RGS7: variants seen among roughly 807,000 people sequenced by gnomAD.
RGS7 encodes the protein regulator of G protein signaling 7.
A neutral mutation model predicts 81.1 loss-of-function variants in RGS7; 27 were observed. That is an observed-to-expected ratio of 0.33 (90% CI 0.25 to 0.46). RGS7 has a LOEUF of 0.46. Among genes scored for constraint, RGS7 ranks in the 20% least tolerant of loss-of-function variants. The pLI is 1.00. For synonymous variants in RGS7, 208 were observed against 207.7 expected, an observed-to-expected ratio of 1.00 and a Z score of -0.01; for missense variants, 396 against 607.4, an observed-to-expected ratio of 0.65 and a Z score of 3.66.
At chr1:241,123,683 G>A (rs540609589) in intron 2 of RGS7, among the ~76,000 whole-genome samples, 14 of 152,296 alleles carry the variant, frequency 9.2e-5, no homozygotes, top group African/African-American at 2.4e-4. Context: ...CCCGGGAGGC[G>A]GAGGTGGTGG....
chr1:241,204,021 G>A (rs1244561965), intron 2 of RGS7, among the ~76,000 whole-genome samples: 1 of 152,174 alleles, frequency 6.6e-6, no homozygotes, highest in Non-Finnish European at 1.5e-5. Context: ...CCAACAATCT[G>A]AAGATATCAA....
chr1:240,907,298 C>T (rs557320148), intron 6 of RGS7, among the ~76,000 whole-genome samples: 22 of 151,910 alleles, frequency 1.4e-4, no homozygotes, highest in African/African-American at 5.1e-4. Flanking sequence ...TTTAAATATG[C>T]TAGTATAAAT....
At chr1:240,989,619 C>T (rs1419689419) in intron 3 of RGS7, among the ~76,000 whole-genome samples, 1 of 152,040 alleles carries the variant, frequency 6.6e-6, no homozygotes, top group Non-Finnish European at 1.5e-5. Flanking sequence ...TTCTCCCTAC[C>T]CTCAAGAAAG....
At chr1:241,318,528 C>A (rs1553318065) in intron 2 of RGS7, among the ~76,000 whole-genome samples, 1 of 151,918 alleles carries the variant, frequency 6.6e-6, no homozygotes, top group Non-Finnish European at 1.5e-5. Context: ...GCAATCTTGG[C>A]TCACCACAAC....
intron 2 of RGS7, among the ~76,000 whole-genome samples, chr1:241,123,678 G>A (rs994029678): frequency 6.6e-6 from 1 of 152,226 alleles, no homozygotes; most frequent in African/African-American, 2.4e-5. Flanking sequence ...TTGAACCCGG[G>A]AGGCGGAGGT....
At chr1:241,310,458 TGA>T (rs1379833123) in intron 2 of RGS7, among the ~76,000 whole-genome samples, 60 of 104,470 alleles carry the variant, frequency 5.7e-4, no homozygotes, top group Admixed American at 2.5e-3. Context: ...TGTGTGTGTG[TGA>T]GAGTGTGTGT....
intron 3 of RGS7, among the ~76,000 whole-genome samples, chr1:241,014,883 G>A (rs905407203): frequency 1.3e-5 from 2 of 152,088 alleles, no homozygotes; most frequent in African/African-American, 2.4e-5. Context: ...ACTGAGAGAC[G>A]AGACTCTTAC....
At chr1:241,102,321 C>T (rs2064812653) in intron 2 of RGS7, among the ~76,000 whole-genome samples, 1 of 152,092 alleles carries the variant, frequency 6.6e-6, no homozygotes, top group South Asian at 2.1e-4. Context: ...TGAAGGGACC[C>T]CCTCTTGGCT....
At chr1:240,957,114 A>G (rs1273240210) in intron 4 of RGS7, among the ~76,000 whole-genome samples, 1 of 152,138 alleles carries the variant, frequency 6.6e-6, no homozygotes, top group Non-Finnish European at 1.5e-5. Context: ...GCAGAGGCAG[A>G]CCACCCTCAA....
intron 3 of RGS7, among the ~76,000 whole-genome samples, chr1:241,057,008 C>T (rs528270168): frequency 5.9e-5 from 9 of 152,148 alleles, no homozygotes; most frequent in African/African-American, 1.9e-4. Flanking sequence ...CCAATATGTA[C>T]ACCGTTGATA....
chr1:241,033,081 T>G (rs1253291079), intron 3 of RGS7, among the ~76,000 whole-genome samples: 1 of 152,178 alleles, frequency 6.6e-6, no homozygotes, highest in East Asian at 1.9e-4. Flanking sequence ...GGGGGCTGGG[T>G]GCGGTAGCTC....
intron 2 of RGS7, among the ~76,000 whole-genome samples, chr1:241,214,221 C>T (rs770939649): frequency 1.5e-4 from 23 of 151,978 alleles, no homozygotes; most frequent in Admixed American, 7.9e-4. Context: ...CAAATTCTCT[C>T]GGTTTTTATT....
intron 3 of RGS7, among the ~76,000 whole-genome samples, chr1:241,008,702 C>T (rs2058801237): frequency 6.6e-6 from 1 of 151,978 alleles, no homozygotes; most frequent in African/African-American, 2.4e-5. Context: ...CACTTGAGGC[C>T]AGGAGGTCGA....
chr1:240,783,755 T>C (rs1253886238), intron 18 of RGS7, among the ~76,000 whole-genome samples: 2 of 152,114 alleles, frequency 1.3e-5, no homozygotes, highest in African/African-American at 4.8e-5. Context: ...CCTGAGAGCC[T>C]GGGGCATTAG....
chr1:240,979,867 G>C (rs554685097), intron 4 of RGS7, among the ~76,000 whole-genome samples: 1 of 152,304 alleles, frequency 6.6e-6, no homozygotes, highest in African/African-American at 2.4e-5. Context: ...TGTTCAAAGA[G>C]AGAATATTCA....
intron 9 of RGS7, among the ~76,000 whole-genome samples, chr1:240,847,998 T>A (rs1159470551): frequency 4.6e-5 from 7 of 152,222 alleles, no homozygotes; most frequent in African/African-American, 1.7e-4. Flanking sequence ...AAAATAGTTT[T>A]ATCAATCATT....
chr1:241,255,791 C>A (rs142358593), intron 2 of RGS7, among the ~76,000 whole-genome samples: 1 of 152,142 alleles, frequency 6.6e-6, no homozygotes, highest in East Asian at 1.9e-4. Context: ...TGGTTCCTAC[C>A]GCGATGTGCT....
chr1:240,994,013 C>G (rs1227676229), intron 3 of RGS7, among the ~76,000 whole-genome samples: 1 of 151,838 alleles, frequency 6.6e-6, no homozygotes, highest in Non-Finnish European at 1.5e-5. Flanking sequence ...TCTGGATTCT[C>G]TATTCTGTTT....
At chr1:240,906,580 G>A (rs144747216) in intron 6 of RGS7, among the ~76,000 whole-genome samples, 3,167 of 152,296 alleles carry the variant, frequency 0.021, 46 homozygotes, top group Non-Finnish European at 0.035. Flanking sequence ...TCCCTCTGGG[G>A]AATCCAACCT....
Sources: allele counts gnomAD v4.1 joint callset (sites outside exome capture counted in the v4.1 genomes callset), GRCh38; gene constraint gnomAD v4.1.1; transcripts MANE v1.5; gene names NCBI Gene and HGNC (gene_info 2026-07-23, HGNC 2026-07-21).